PDE1A: variants seen among roughly 807,000 people sequenced by gnomAD.
PDE1A encodes phosphodiesterase 1A.
Under a neutral mutation model 61.7 loss-of-function variants are expected in PDE1A, and 35 were observed. The ratio of observed to expected loss-of-function variants is 0.57; its 90% confidence interval spans 0.43 to 0.75. The LOEUF (loss-of-function observed/expected upper bound fraction) is 0.75, where lower values mean the gene tolerates loss of function less well. Among genes scored for constraint, PDE1A ranks in the 30% least tolerant of loss-of-function variants. PDE1A has a pLI of 0.00. For synonymous variants in PDE1A, 232 were observed against 213.2 expected (o/e 1.09, Z -0.77); for missense variants, 597 against 630.6 (o/e 0.95, Z 0.57).
intron 1 of PDE1A, among the ~76,000 whole-genome samples, chr2:182,402,640 C>T (rs886168294): frequency 6.6e-6 from 1 of 152,118 alleles, no homozygotes; most frequent in Non-Finnish European, 1.5e-5. Context: ...GACTAAAACA[C>T]CAAAAGCAAT....
the PDE1A span, among the ~76,000 whole-genome samples, chr2:182,710,722 T>C: frequency 2.0e-5 from 3 of 152,234 alleles, 1 homozygote; most frequent in South Asian, 6.2e-4. Flanking sequence ...TATTCCATGG[T>C]ATATATACCA....
intron 1 of PDE1A, among the ~76,000 whole-genome samples, chr2:182,265,901 CT>C (rs1391369886): frequency 1.3e-5 from 2 of 152,244 alleles, no homozygotes; most frequent in East Asian, 3.9e-4. Flanking sequence ...ATTGCGGCTA[CT>C]TTTAGGCACT....
At chr2:182,483,350 A>ACTTC (rs1308518043) in intron 2 of PDE1A, among the ~76,000 whole-genome samples, 2 of 151,962 alleles carry the variant, frequency 1.3e-5, no homozygotes, top group Non-Finnish European at 2.9e-5. Context: ...AGAGCACTCC[A>ACTTC]CCCAACAAAG....
In PDE1A at chr2:182,237,832, G is replaced by C. The variant is rs75760059; in HGVS notation, c.350+2278C>G. Among the ~76,000 whole-genome samples the C allele has an allele frequency of 7.9e-5, 12 of 152,264 alleles. No homozygotes were observed. In the East Asian group the frequency reaches 1.7e-3, roughly 22 times the overall value. The stretch of plus-strand genomic sequence containing the variant: ...TGGCTCCAAGGCAGGAAAGAGCTTA[G>C]AAATGTTCTTGAAATTGAAATCAGG... On this transcript the variant is annotated intron_variant, in intron 3 of 13. Coordinates refer to ENST00000351439, the Ensembl canonical transcript of PDE1A.
intron 2 of PDE1A, among the ~76,000 whole-genome samples, chr2:182,486,102 T>C (rs1356474223): frequency 7.9e-5 from 12 of 151,968 alleles, no homozygotes; most frequent in Admixed American, 7.9e-4. Context: ...TAAATGAATA[T>C]AGCAAGTTTG....
chr2:182,662,496 G>C, the PDE1A span, among the ~76,000 whole-genome samples: 2 of 152,052 alleles, frequency 1.3e-5, no homozygotes, highest in African/African-American at 4.8e-5. Flanking sequence ...CAGACACATA[G>C]ACCAATGAAA....
upstream of PDE1A, among the ~76,000 whole-genome samples, chr2:182,430,851 G>T (rs376204567): frequency 1.9e-4 from 22 of 118,490 alleles, no homozygotes; most frequent in Admixed American, 1.0e-3. Context: ...GTAAACTATC[G>T]CAAGAACAAA....
At chr2:182,325,406 G>A (rs2124884401) in intron 1 of PDE1A, among the ~76,000 whole-genome samples, 1 of 152,056 alleles carries the variant, frequency 6.6e-6, no homozygotes, top group South Asian at 2.1e-4. Flanking sequence ...ACCAGATTTG[G>A]CAACAATTAT....
chr2:182,622,733 A>C, the PDE1A span, among the ~76,000 whole-genome samples: 1 of 152,154 alleles, frequency 6.6e-6, no homozygotes, highest in Admixed American at 6.5e-5. Context: ...GCTAGATTTG[A>C]TAGTAGCCAA....
intron 10 of PDE1A, among the ~76,000 whole-genome samples, chr2:182,198,888 C>T (rs1325145263): frequency 6.6e-6 from 1 of 151,812 alleles, no homozygotes; most frequent in Non-Finnish European, 1.5e-5. Context: ...ATTATTTCTT[C>T]CTGAAATGTT....
intron 1 of PDE1A, among the ~76,000 whole-genome samples, chr2:182,402,939 T>TTG (rs1313658867): frequency 6.6e-6 from 1 of 152,172 alleles, no homozygotes; most frequent in Non-Finnish European, 1.5e-5. Flanking sequence ...TCATCACTGG[T>TTG]CATTAGAGAA....
the PDE1A span, among the ~76,000 whole-genome samples, chr2:182,684,069 G>A: frequency 1.3e-5 from 2 of 149,434 alleles, no homozygotes; most frequent in African/African-American, 2.5e-5. Context: ...GTTGCAGTGA[G>A]CTGAGATCAC....
the PDE1A span, among the ~76,000 whole-genome samples, chr2:182,657,276 C>T: frequency 6.6e-6 from 1 of 152,072 alleles, no homozygotes; most frequent in African/African-American, 2.4e-5. Context: ...TTTTCAACCG[C>T]ATTTAGAATA....
chr2:182,435,531 T>A (rs1163069337), intron 2 of PDE1A, among the ~76,000 whole-genome samples: 2 of 152,044 alleles, frequency 1.3e-5, no homozygotes, highest in Admixed American at 1.3e-4. Context: ...GCTCACACCA[T>A]CACATAAAAA....
At chr2:182,584,418 C>T in the PDE1A span, among the ~76,000 whole-genome samples, 1 of 152,202 alleles carries the variant, frequency 6.6e-6, no homozygotes. Flanking sequence ...TGAATTCTAG[C>T]TCTACCGCTG....
the PDE1A span, among the ~76,000 whole-genome samples, chr2:182,652,482 A>G: frequency 6.6e-6 from 1 of 152,160 alleles, no homozygotes; most frequent in African/African-American, 2.4e-5. Flanking sequence ...AAAGACATAC[A>G]ATAGAGATCT....
At chr2:182,588,850 C>G in the PDE1A span, among the ~76,000 whole-genome samples, 1 of 151,938 alleles carries the variant, frequency 6.6e-6, no homozygotes, top group Non-Finnish European at 1.5e-5. Context: ...TCAAGGCCAG[C>G]TTGGCCAACA....
chr2:182,440,052 T>C (rs537321134), intron 2 of PDE1A, among the ~76,000 whole-genome samples: 1 of 152,172 alleles, frequency 6.6e-6, no homozygotes, highest in East Asian at 1.9e-4. Context: ...ATGGTATACG[T>C]AGAAAGGGTG....
At chr2:182,350,073 C>A (rs1698777387) in intron 1 of PDE1A, among the ~76,000 whole-genome samples, 1 of 152,150 alleles carries the variant, frequency 6.6e-6, no homozygotes. Context: ...CCTGCCCCCA[C>A]CGAGTGTAAC....
Sources: allele counts gnomAD v4.1 joint callset (sites outside exome capture counted in the v4.1 genomes callset), GRCh38; gene constraint gnomAD v4.1.1; transcripts MANE v1.5; gene names NCBI Gene and HGNC (gene_info 2026-07-23, HGNC 2026-07-21).